Variants in DCAF1 observed in about 807,000 individuals in gnomAD.
The protein encoded by DCAF1 is DDB1 and CUL4 associated factor 1.
In DCAF1, 15 loss-of-function variants were observed where a neutral mutation model predicts 128.0. That is an observed-to-expected ratio of 0.12 (90% CI 0.08 to 0.18). The LOEUF (loss-of-function observed/expected upper bound fraction) is 0.18. DCAF1 is among the 10% of genes least tolerant of loss of function. The probability of loss-of-function intolerance (pLI) is 1.00; values close to 1 mark genes in which losing one functional copy is unlikely to be tolerated. For missense variants in DCAF1, 988 were observed against 1,649.5 expected, an observed-to-expected ratio of 0.60 and a Z score of 6.95; for synonymous variants, 610 against 603.0, an observed-to-expected ratio of 1.01 and a Z score of -0.17.
chr3:51,498,225 T>C (rs1472215143), intron 1 of DCAF1, among the ~76,000 whole-genome samples: 6 of 150,892 alleles, frequency 4.0e-5, no homozygotes, highest in Non-Finnish European at 8.9e-5. Context: ...CCGGGCGTGG[T>C]GGCGCGTGCC....
At chr3:51,442,326 A>T (rs1421786315) in intron 7 of DCAF1, among the ~76,000 whole-genome samples, 2 of 152,204 alleles carry the variant, frequency 1.3e-5, no homozygotes, top group Non-Finnish European at 2.9e-5. Context: ...ACATAACTAC[A>T]TTATCATTTT....
intron 10 of DCAF1, among the ~76,000 whole-genome samples, chr3:51,432,464 G>T (rs1403811568): frequency 2.1e-5 from 3 of 142,022 alleles, no homozygotes; most frequent in Non-Finnish European, 3.1e-5. Context: ...TCTGTTGTGT[G>T]TTTTTTTTTT....
Position 51,418,734 on chromosome 3 carries a change from C to G in DCAF1, c.3379G>C (p.Glu1127Gln). 2 of 1,613,964 alleles carry G rather than the reference C, an allele frequency of 1.2e-6. No individual in the cohort carries two copies. The highest frequency in any genetic ancestry group is 1.7e-6 in the Non-Finnish European group (2 of 1,179,874). The change falls in exon 16 of 25, where the codon GAG (glutamate) becomes CAG (glutamine). Residue 1127 changes from glutamate (E) to glutamine (Q), a missense_variant. Physicochemically the swap from Glu to Gln is conservative, Grantham distance 29. Transcript: ENST00000684031. ...TTGTGACAGTTATAGCTGGCCTCCT[C>G]CTGTCCACTAAACACATTATAGAGC... ...LKLYNVFSGQ[E>Q]EASYNCHNSA...
At chr3:51,463,084 A>G in intron 6 of DCAF1, 30 bp downstream of exon 6, 1 of 1,440,734 alleles carries the variant, frequency 6.9e-7, no homozygotes. Flanking sequence ...ATTACAAAAT[A>G]AAATTATGAC....
At chr3:51,475,102 A>T (rs1553649989) in intron 3 of DCAF1, among the ~76,000 whole-genome samples, 1 of 151,532 alleles carries the variant, frequency 6.6e-6, no homozygotes, top group Non-Finnish European at 1.5e-5. Flanking sequence ...GCTATTTTTT[A>T]AATTTTTTAT....
chr3:51,403,218 G>A lies in DCAF1; in HGVS notation c.4390C>T (p.Leu1464Phe), dbSNP rs1577044559. The change falls in exon 24 of 25, where the codon CTT becomes TTT. Residue 1464 changes from leucine (L) to phenylalanine (F), a missense_variant. Around this residue, in one of 11 missense-constraint regions of DCAF1, gnomAD observed 97 missense variants for 134.5 expected, o/e 0.72. Transcript: ENST00000684031. Reference sequence around the variant, plus strand: ...TCCCCGTCCTCTCCCTCCTCTAGAAGGTTTGCTAGCTCCTCATCAGAGGGA... The same window carrying A: ...TCCCCGTCCTCTCCCTCCTCTAGAAAGTTTGCTAGCTCCTCATCAGAGGGA... The part of the protein sequence containing the change: ...FSPSDEELAN[L>F]LEEGEDGEDE... 6.2e-7 allele frequency: 1 copy of A among 1,613,864 alleles called. No individual in the cohort carries two copies. The highest frequency in any genetic ancestry group is 1.3e-5 in the African/African-American group (1 of 74,990).
At chr3:51,412,882 C>T in intron 22 of DCAF1, 111 bp downstream of exon 22, 3 of 1,470,324 alleles carry the variant, frequency 2.0e-6, no homozygotes, top group Non-Finnish European at 2.8e-6. Flanking sequence ...AATCTACCTT[C>T]AGGAATGTAT....
chr3:51,399,460 A>G (rs911387287), intron 24 of DCAF1, among the ~76,000 whole-genome samples: 1 of 152,234 alleles, frequency 6.6e-6, no homozygotes, highest in Non-Finnish European at 1.5e-5. Flanking sequence ...CTACCCATCC[A>G]GAGGCAGGAG....
At chr3:51,495,294 A>C (rs1197997838) in intron 2 of DCAF1, among the ~76,000 whole-genome samples, 2 of 152,052 alleles carry the variant, frequency 1.3e-5, no homozygotes, top group Non-Finnish European at 2.9e-5. Flanking sequence ...ACTGCACTCC[A>C]GCCTGGGCGA....
intron 18 of DCAF1, among the ~76,000 whole-genome samples, chr3:51,415,500 T>C (rs1477080102): frequency 6.6e-6 from 1 of 151,992 alleles, no homozygotes; most frequent in Non-Finnish European, 1.5e-5. Flanking sequence ...GTCTCAAAAA[T>C]AAATAAATAA....
In DCAF1 at chr3:51,463,144, C is replaced by G. The variant is rs1553645211; in HGVS notation, c.345G>C (p.Gly115=). 2 of 1,596,634 alleles carry G rather than the reference C, an allele frequency of 1.3e-6. No homozygotes were observed. Among genetic ancestry groups the G allele is most frequent in the Non-Finnish European group, 1.7e-6 (2 of 1,171,224 alleles). The change falls in exon 6 of 25, where the codon GGG becomes GGC. Residue 115 remains glycine, a synonymous_variant. Transcript: ENST00000684031. ...CTTGAAAGACGACAGCAGTTTCCAG[C>G]CCTGGCATGATGTCTAATAGGAGTC... ...ACRLLLDIMP[G]LETAVVFQEK...
chr3:51,424,414 AG>A lies in DCAF1; in HGVS notation c.1848-1984del, dbSNP rs1553633514. On this transcript the variant is annotated intron_variant, in intron 13 of 24. Coordinates refer to ENST00000684031, the MANE Select transcript of DCAF1 (RefSeq NM_001387579.1). ...CAAGACTCTGCCTCAAAAAAAAAAAAGAAAAAAAAAAGTAGAGAAATGAAAG... is the reference window on the plus strand; with the variant it reads ...CAAGACTCTGCCTCAAAAAAAAAAAAAAAAAAAAAAGTAGAGAAATGAAAG... Among the ~76,000 whole-genome samples, 7 of 151,988 alleles carry A rather than the reference AG, an allele frequency of 4.6e-5. No individual in the cohort carries two copies. The East Asian group carries it at 9.7e-4, about 21-fold the overall frequency.
chr3:51,423,415 T>C (rs1275868180), intron 13 of DCAF1, among the ~76,000 whole-genome samples: 1 of 148,706 alleles, frequency 6.7e-6, no homozygotes, highest in Admixed American at 6.7e-5. Context: ...GGCAGGAGAA[T>C]TGCTTGAACC....
intron 3 of DCAF1, among the ~76,000 whole-genome samples, chr3:51,479,408 T>G (rs959292038): frequency 1.3e-5 from 2 of 151,056 alleles, no homozygotes; most frequent in Non-Finnish European, 3.0e-5. Flanking sequence ...GAAGCTGAGG[T>G]GGGAGAATCA....
At chr3:51,395,871 T>A (rs761061627), downstream of DCAF1, 3 of 413,520 alleles carry the variant, frequency 7.3e-6, no homozygotes, top group Non-Finnish European at 1.3e-5. Context: ...CACAAAGACA[T>A]GTTAAGCATG....
At chr3:51,499,522 T>A (rs1025005799) in intron 1 of DCAF1, among the ~76,000 whole-genome samples, 1 of 151,230 alleles carries the variant, frequency 6.6e-6, no homozygotes, top group Admixed American at 6.6e-5. Context: ...ACTAGGAGGA[T>A]TGGAAGGAAA....
At chr3:51,419,708 G>C (rs782221501) in intron 15 of DCAF1, 26 bp downstream of exon 15, 7 of 1,565,294 alleles carry the variant, frequency 4.5e-6, no homozygotes, top group South Asian at 1.2e-5. Context: ...CCAATTCCCA[G>C]GGAGTAAGAA....
chr3:51,416,326 G>A (rs782427396), intron 18 of DCAF1, among the ~76,000 whole-genome samples: 5 of 151,962 alleles, frequency 3.3e-5, no homozygotes, highest in Non-Finnish European at 5.9e-5. Context: ...TGAATCTCGC[G>A]TTTCCTTCAA....
intron 24 of DCAF1, among the ~76,000 whole-genome samples, chr3:51,402,000 G>C (rs766162677): frequency 6.6e-6 from 1 of 152,132 alleles, no homozygotes; most frequent in African/African-American, 2.4e-5. Context: ...TACAGCCTTG[G>C]TAAGAAGATT....
Sources: gnomAD v4.1 joint callset for allele counts (sites outside exome capture counted in the v4.1 genomes callset) on GRCh38, gnomAD v4.1.1 for gene constraint, gnomAD v4.1.1 regional missense constraint, MANE v1.5 for transcripts, NCBI Gene and HGNC (gene_info 2026-07-23, HGNC 2026-07-21) for gene names.